SCIN: variants seen among roughly 807,000 people sequenced by gnomAD.
The protein encoded by SCIN is scinderin, also known as adseverin.
SCIN carries 91 observed loss-of-function variants against 91.8 expected under a neutral mutation model. The observed-to-expected ratio is 0.99, with a 90% CI of 0.84 to 1.18. The LOEUF is 1.18. Ranked by LOEUF, SCIN falls within the 50% of genes most tolerant of loss-of-function variation. The probability of loss-of-function intolerance (pLI) is 0.00; values close to 1 mark genes in which losing one functional copy is unlikely to be tolerated. For synonymous variants in SCIN, 367 were observed against 312.6 expected, an observed-to-expected ratio of 1.17 and a Z score of -1.84; for missense variants, 1,087 against 863.9, an observed-to-expected ratio of 1.26 and a Z score of -3.24.
intron 3 of SCIN, among the ~76,000 whole-genome samples, chr7:12,598,348 G>A (rs547693545): frequency 2.6e-5 from 4 of 152,026 alleles, no homozygotes; most frequent in African/African-American, 9.6e-5. Flanking sequence ...CCTTCTGCCA[G>A]AGTGGTGAAG....
intron 3 of SCIN, among the ~76,000 whole-genome samples, chr7:12,581,729 G>T (rs1362507319): frequency 6.6e-6 from 1 of 152,070 alleles, no homozygotes; most frequent in Non-Finnish European, 1.5e-5. Context: ...TATCTTAATG[G>T]CATGGGCAAT....
At chr7:12,634,092 G>T (rs1203398463) in intron 9 of SCIN, among the ~76,000 whole-genome samples, 1 of 152,036 alleles carries the variant, frequency 6.6e-6, no homozygotes, top group African/African-American at 2.4e-5. Context: ...AGGGGGGTGG[G>T]TATTGCCCAA....
rs188085591 is a variant in SCIN at position 12,653,907 on chromosome 7, C to T, written c.*1192C>T. 6.6e-6 allele frequency: 1 copy of T among 152,174 alleles called. No homozygotes were observed. The highest frequency in any genetic ancestry group is 1.5e-5 in the Non-Finnish European group (1 of 68,014). 9.4% of individuals were successfully genotyped at this position (152,174 alleles called of 1,614,324 possible). On this transcript the variant is annotated 3_prime_UTR_variant, in exon 16 of 16. Transcript: ENST00000297029. The surrounding 1 kb of genome is among the most constrained non-coding windows in gnomAD (Gnocchi z 4.1). Reference sequence around the variant, plus strand: ...GCAGTTACCCTGATTCTATTCCATTCCATTCTATTCTATTCTATTATTTCA... The same window carrying T: ...GCAGTTACCCTGATTCTATTCCATTTCATTCTATTCTATTCTATTATTTCA...
At chr7:12,634,854 G>A (rs930445284) in intron 9 of SCIN, among the ~76,000 whole-genome samples, 3 of 152,156 alleles carry the variant, frequency 2.0e-5, no homozygotes, top group African/African-American at 7.2e-5. Context: ...CCTTATCTGA[G>A]TGTTGGAAGT....
chr7:12,602,386 G>A (rs1349721699), intron 3 of SCIN, among the ~76,000 whole-genome samples: 1 of 152,194 alleles, frequency 6.6e-6, no homozygotes, highest in Admixed American at 6.5e-5. Flanking sequence ...TCTATGTTCA[G>A]CTGTGCACGT....
At chr7:12,650,224 C>T (rs1183864772) in intron 14 of SCIN, among the ~76,000 whole-genome samples, 1 of 152,180 alleles carries the variant, frequency 6.6e-6, no homozygotes, top group Non-Finnish European at 1.5e-5. Flanking sequence ...ATAAACCATT[C>T]AGTTATATCA....
At chr7:12,635,333 TG>T (rs769459366) in intron 9 of SCIN, among the ~76,000 whole-genome samples, 2 of 150,236 alleles carry the variant, frequency 1.3e-5, no homozygotes, top group Non-Finnish European at 3.0e-5. Flanking sequence ...AAATGCTGGC[TG>T]GGCGCGGTGG....
intron 3 of SCIN, among the ~76,000 whole-genome samples, chr7:12,584,201 T>G (rs1036807371): frequency 6.6e-6 from 1 of 152,220 alleles, no homozygotes; most frequent in Non-Finnish European, 1.5e-5. Context: ...TAACTAAACT[T>G]TTCTGTACCA....
At chr7:12,625,947 T>C (rs1397679997) in intron 7 of SCIN, 97 bp downstream of exon 7, 2 of 757,816 alleles carry the variant, frequency 2.6e-6, no homozygotes, top group African/African-American at 3.6e-5. Flanking sequence ...CAAAGTAACG[T>C]CTGTATGTGA....
intron 4 of SCIN, among the ~76,000 whole-genome samples, chr7:12,614,232 T>C (rs951467885): frequency 6.6e-6 from 1 of 152,208 alleles, no homozygotes; most frequent in African/African-American, 2.4e-5. Context: ...TAGGCTGAAC[T>C]TCCTGTTCAT....
In SCIN at chr7:12,578,117, A is replaced by G. The variant is rs1352473319; in HGVS notation, c.253A>G (p.Met85Val). 1.3e-6 allele frequency: 2 copies of G among 1,550,918 alleles called. No individual in the cohort carries two copies. The highest frequency in any genetic ancestry group is 1.7e-6 in the Non-Finnish European group (2 of 1,146,548). The change falls in exon 2 of 16, where the codon ATG becomes GTG. Residue 85 changes from methionine (M) to valine (V), a missense_variant. Met to Val is a conservative substitution (Grantham distance 21). Coordinates refer to ENST00000297029, the MANE Select transcript of SCIN (RefSeq NM_001112706.3). ...STAAAIFTVQ[M>V]DDYLGGKPVQ... ...AGCTGCTGCCATCTTCACTGTTCAGATGGATGACTATTTGGGTGGCAAGCC... is the reference window on the plus strand; with the variant it reads ...AGCTGCTGCCATCTTCACTGTTCAGGTGGATGACTATTTGGGTGGCAAGCC...
In SCIN at chr7:12,576,230, A is replaced by G. The variant is rs537922895; in HGVS notation, c.200-1834A>G. ...ATTCTCAGTTAGGGTTCGGATCCCAAATCGGCAGAAGAATGACACCAGAGT... is the reference window on the plus strand; with the variant it reads ...ATTCTCAGTTAGGGTTCGGATCCCAGATCGGCAGAAGAATGACACCAGAGT... On this transcript the variant is annotated intron_variant, in intron 1 of 15. Coordinates refer to ENST00000297029, the MANE Select transcript of SCIN (RefSeq NM_001112706.3). 2.6e-5 allele frequency among the ~76,000 whole-genome samples: 4 copies of G among 152,294 alleles called. No individual in the cohort carries two copies. In the East Asian group the frequency reaches 5.8e-4, roughly 22 times the overall value.
At position 12,644,663 on chromosome 7, in the gene SCIN, A is replaced by C. The variant is rs1223589780; in HGVS notation, c.1839A>C (p.Pro613=). 1 of 1,594,074 alleles carries C rather than the reference A, an allele frequency of 6.3e-7. No individual in the cohort carries two copies. The highest frequency in any genetic ancestry group is 8.5e-7 in the Non-Finnish European group (1 of 1,169,682). The change falls in exon 13 of 16, where the codon CCA becomes CCC. Residue 613 remains proline (P), a synonymous_variant. Coordinates refer to ENST00000297029, the MANE Select transcript of SCIN (RefSeq NM_001112706.3). ...PLLETQAEDH[P]PRLYGCSNKT... Reference sequence around the variant, plus strand: ...TGGAAACCCAGGCTGAAGACCATCCACCTCGGCTTTACGGCTGCTCTAACA... The same window carrying C: ...TGGAAACCCAGGCTGAAGACCATCCCCCTCGGCTTTACGGCTGCTCTAACA...
chr7:12,593,968 G>T (rs1305161927), intron 3 of SCIN, among the ~76,000 whole-genome samples: 1 of 152,180 alleles, frequency 6.6e-6, no homozygotes, highest in Admixed American at 6.5e-5. Context: ...ATTCTTTGAT[G>T]TAAGTATCAG....
intron 4 of SCIN, among the ~76,000 whole-genome samples, chr7:12,618,474 C>A (rs1783341306): frequency 6.6e-6 from 1 of 152,042 alleles, no homozygotes; most frequent in South Asian, 2.1e-4. Flanking sequence ...ATGAAATCAC[C>A]CTCTATTTTA....
At chr7:12,596,660 G>A (rs1352858152) in intron 3 of SCIN, among the ~76,000 whole-genome samples, 1 of 149,100 alleles carries the variant, frequency 6.7e-6, no homozygotes, top group Non-Finnish European at 1.5e-5. Flanking sequence ...TGGCAGAAAT[G>A]CTTTTTGTTA....
At chr7:12,609,044 A>G (rs747584105) in intron 4 of SCIN, among the ~76,000 whole-genome samples, 4 of 152,180 alleles carry the variant, frequency 2.6e-5, no homozygotes, top group African/African-American at 9.7e-5. Flanking sequence ...TATTTCAGCT[A>G]TTGATCACAG....
At chr7:12,619,697 A>G (rs1562618917) in intron 4 of SCIN, among the ~76,000 whole-genome samples, 2 of 152,102 alleles carry the variant, frequency 1.3e-5, no homozygotes, top group African/African-American at 2.4e-5. Flanking sequence ...CTGATTAGAG[A>G]CAGGTACAAG....
rs1455041210 is a variant in SCIN at position 12,593,701 on chromosome 7, A to G, written c.517-10813A>G. ...TTTACAGCCTATGGGCAGCTTTGTT[A>G]AGGCCTGCAATGAGGCAAGTAATCA... On this transcript the variant is annotated intron_variant, in intron 3 of 15. Coordinates refer to ENST00000297029, the MANE Select transcript of SCIN (RefSeq NM_001112706.3). 2.0e-5 allele frequency among the ~76,000 whole-genome samples: 3 copies of G among 152,090 alleles called. No individual in the cohort carries two copies. In the East Asian group the frequency reaches 5.8e-4, roughly 29 times the overall value.
Sources: allele counts gnomAD v4.1 joint callset (sites outside exome capture counted in the v4.1 genomes callset), GRCh38; gene constraint gnomAD v4.1.1; non-coding constraint Gnocchi (gnomAD v3.1); transcripts MANE v1.5; gene names NCBI Gene and HGNC (gene_info 2026-07-23, HGNC 2026-07-21).